PECAM1: variants seen among roughly 807,000 people sequenced by gnomAD.
The protein encoded by PECAM1 is platelet and endothelial cell adhesion molecule 1, also known as platelet endothelial cell adhesion molecule.
PECAM1 carries 8 observed loss-of-function variants against 13.8 expected under a neutral mutation model. The ratio of observed to expected loss-of-function variants is 0.58; its 90% CI spans 0.34 to 1.05. The LOEUF is 1.05. PECAM1 is among the 50% of genes least tolerant of loss of function. The pLI is 0.03. For missense variants in PECAM1, 304 were observed against 141.2 expected (o/e 2.15, Z -5.84); for synonymous variants, 136 against 52.6 (o/e 2.58, Z -6.86).
intron 7 of PECAM1, among the ~76,000 whole-genome samples, chr17:64,357,456 C>A (rs1305527502): frequency 6.6e-6 from 1 of 152,178 alleles, no homozygotes. Flanking sequence ...TAGCTCCATC[C>A]TCAACTACCA....
chr17:64,361,993 A>G (rs2143816784), intron 6 of PECAM1, among the ~76,000 whole-genome samples: 1 of 152,314 alleles, frequency 6.6e-6, no homozygotes, highest in Admixed American at 6.5e-5. Flanking sequence ...ATCCTGGTTC[A>G]GTTGAAGCTA....
At chr17:64,368,706 C>T (rs2036166569) in intron 5 of PECAM1, among the ~76,000 whole-genome samples, 2 of 151,396 alleles carry the variant, frequency 1.3e-5, no homozygotes, top group Non-Finnish European at 2.9e-5. Flanking sequence ...AAAAAGTTAG[C>T]AGGGCATGGT....
Position 64,360,231 on chromosome 17 carries a change from G to T in PECAM1, c.1401C>A (p.Asn467Lys), listed in dbSNP as rs927579187. 8.4e-6 allele frequency: 4 copies of T among 475,226 alleles called. No homozygotes were observed. Among genetic ancestry groups the T allele is most frequent in the Non-Finnish European group, 1.5e-5 (4 of 259,056 alleles). The allele number at this position is 475,226 out of a possible 1,614,324, so 29.4% of individuals were successfully genotyped here. A position where few individuals can be genotyped will look rare whatever the true frequency, so the allele number is the denominator to read the frequency against. ...NSNDPAVFKD[N>K]PTEDVEYQCV... is the part of the protein sequence containing the mutation. ...ACTGGTATTCGACGTCTTCAGTGGG[G>T]TTGTCTTTGAATACCGCAGGATCAT... The change falls in exon 7 of 16, where the codon AAC (asparagine) becomes AAA (lysine). Residue 467 changes from asparagine to lysine, a missense_variant. Coordinates refer to ENST00000563924, the MANE Select transcript of PECAM1 (RefSeq NM_000442.5).
intron 2 of PECAM1, among the ~76,000 whole-genome samples, chr17:64,384,134 A>C (rs2036541926): frequency 6.6e-6 from 1 of 152,206 alleles, no homozygotes; most frequent in African/African-American, 2.4e-5. Context: ...TCCATCTCAG[A>C]AAATAAATAA....
At chr17:64,345,523 G>A (rs966608048) in intron 13 of PECAM1, among the ~76,000 whole-genome samples, 2 of 151,908 alleles carry the variant, frequency 1.3e-5, no homozygotes, top group Non-Finnish European at 2.9e-5. Flanking sequence ...GACCAGCCTG[G>A]CCAACATGGT....
chr17:64,356,023 C>T (rs1282410951), intron 8 of PECAM1, 88 bp downstream of exon 8: 1 of 461,092 alleles, frequency 2.2e-6, no homozygotes, highest in Admixed American at 3.2e-5. Flanking sequence ...AGCTAGACTC[C>T]CCCCCAACTC....
At chr17:64,337,549 G>C (rs892634331) in intron 14 of PECAM1, among the ~76,000 whole-genome samples, 5 of 152,160 alleles carry the variant, frequency 3.3e-5, no homozygotes, top group Non-Finnish European at 7.4e-5. Context: ...TGAGGGGTAA[G>C]ACATCTTGGT....
chr17:64,350,024 T>A (rs2035679120), intron 12 of PECAM1, among the ~76,000 whole-genome samples: 1 of 152,210 alleles, frequency 6.6e-6, no homozygotes. Context: ...CCTCAGTGCT[T>A]CAGGCAGAAG....
intron 3 of PECAM1, among the ~76,000 whole-genome samples, chr17:64,375,638 G>A (rs1466741368): frequency 2.0e-5 from 3 of 151,496 alleles, no homozygotes; most frequent in Non-Finnish European, 2.9e-5. Flanking sequence ...TGGGCAACAC[G>A]GTGAAATGCT....
intron 13 of PECAM1, among the ~76,000 whole-genome samples, chr17:64,342,022 G>A (rs923127731): frequency 6.6e-6 from 1 of 151,934 alleles, no homozygotes; most frequent in Non-Finnish European, 1.5e-5. Flanking sequence ...ATGGTGGTGC[G>A]TGCCTGTGAT....
At chr17:64,344,911 A>G (rs1179726810) in intron 13 of PECAM1, among the ~76,000 whole-genome samples, 1 of 152,188 alleles carries the variant, frequency 6.6e-6, no homozygotes, top group African/African-American at 2.4e-5. Context: ...ATGGGGAAAG[A>G]GGGACCAGTT....
chr17:64,378,243 G>A (rs996204563), intron 2 of PECAM1, 126 bp from the exon 3 acceptor site: 7 of 397,602 alleles, frequency 1.8e-5, no homozygotes, highest in East Asian at 7.1e-5. Context: ...GGGGTTCTAC[G>A]TGCCTACAGG....
intron 15 of PECAM1, among the ~76,000 whole-genome samples, chr17:64,328,093 C>T (rs1393459370): frequency 6.6e-6 from 1 of 152,216 alleles, no homozygotes; most frequent in Non-Finnish European, 1.5e-5. Flanking sequence ...CTCTCAGAAC[C>T]ATCCTGGGAG....
chr17:64,354,691 T>C (rs2035809652), intron 9 of PECAM1, among the ~76,000 whole-genome samples: 3 of 152,176 alleles, frequency 2.0e-5, no homozygotes, highest in African/African-American at 7.2e-5. Context: ...TCCAAGACAC[T>C]TGCACCCCAC....
At position 64,361,241 on chromosome 17, in the gene PECAM1, G is replaced by A. The variant is rs976651882; in HGVS notation, c.1217-826C>T. Reference sequence around the variant, plus strand: ...GCTGACCACAACCTCCACCTCCTGGGTCCAAGGGATTCTCCTGCCTCAGCC... The same window carrying A: ...GCTGACCACAACCTCCACCTCCTGGATCCAAGGGATTCTCCTGCCTCAGCC... On this transcript the variant is annotated intron_variant, in intron 6 of 15. Coordinates refer to ENST00000563924, the MANE Select transcript of PECAM1 (RefSeq NM_000442.5). 1.3e-4 allele frequency among the ~76,000 whole-genome samples: 20 copies of A among 148,742 alleles called. No homozygotes were observed. The East Asian group carries it at 3.1e-3, about 23-fold the overall frequency.
rs1350971974 is a variant in PECAM1, at chr17:64,322,726, T to G, written c.*1090A>C. 2.0e-6 allele frequency: 2 copies of G among 981,792 alleles called. No individual in the cohort carries two copies. The highest frequency in any genetic ancestry group is 4.7e-5 in the South Asian group (1 of 21,218). 60.8% of individuals were successfully genotyped at this position (981,792 alleles called of 1,614,324 possible). A position where few individuals can be genotyped will look rare whatever the true frequency, so the allele number is the denominator to read the frequency against. On this transcript the variant is annotated 3_prime_UTR_variant, in exon 16 of 16. Transcript: ENST00000563924. ...CTTTAGCAAGCAATTTTGTTTTTTG[T>G]TTTTTTTGAGATGGATTCTCACTCT...
At chr17:64,363,418 A>G in intron 5 of PECAM1, 21 bp from the exon 6 acceptor site, 2 of 475,200 alleles carry the variant, frequency 4.2e-6, no homozygotes, top group East Asian at 6.2e-5. Context: ...GTGAGTGGGA[A>G]TGGAGCGAGA....
chr17:64,371,636 C>T (rs1055790250), intron 4 of PECAM1, among the ~76,000 whole-genome samples: 17 of 152,194 alleles, frequency 1.1e-4, no homozygotes, highest in African/African-American at 4.1e-4. Flanking sequence ...TTAAGACCAG[C>T]CTGGCCAAGA....
intron 5 of PECAM1, among the ~76,000 whole-genome samples, chr17:64,369,451 G>T (rs2036189095): frequency 6.6e-6 from 1 of 152,100 alleles, no homozygotes; most frequent in South Asian, 2.1e-4. Context: ...AGTCCTAAAA[G>T]GTCATTATCA....
Sources: allele counts gnomAD v4.1 joint callset (sites outside exome capture counted in the v4.1 genomes callset), GRCh38; gene constraint gnomAD v4.1.1; transcripts MANE v1.5; gene names NCBI Gene and HGNC (gene_info 2026-07-23, HGNC 2026-07-21).